LMLN: variants seen among roughly 807,000 people sequenced by gnomAD.
LMLN encodes the protein leishmanolysin-like peptidase.
LMLN carries 70 observed loss-of-function variants against 92.3 expected under a neutral mutation model. That is an observed-to-expected ratio of 0.76 (90% CI 0.63 to 0.92). LMLN has a LOEUF of 0.92. LMLN is among the 40% of genes least tolerant of loss of function. LMLN has a pLI of 0.00. For synonymous variants in LMLN, 308 were observed against 296.2 expected (o/e 1.04, Z -0.41); for missense variants, 691 against 814.6 (o/e 0.85, Z 1.85).
At chr3:198,001,038 C>G (rs1722158737) in intron 11 of LMLN, among the ~76,000 whole-genome samples, 1 of 152,166 alleles carries the variant, frequency 6.6e-6, no homozygotes, top group Non-Finnish European at 1.5e-5. Context: ...AATGCCCCCT[C>G]TACTCCCTCA....
chr3:198,031,750 C>A lies in LMLN; in HGVS notation c.1657-4083C>A, dbSNP rs753887575. On this transcript the variant is annotated intron_variant, in intron 14 of 15. Coordinates refer to ENST00000330198, the Ensembl canonical transcript of LMLN. The surrounding 1 kb of genome is among the most constrained non-coding windows in gnomAD (Gnocchi z 4.8). ...CTCATCTGCCACAAGCCCCAGTATT[C>A]CAAAATTTAATGGGTTGATTCTATT... Among the ~76,000 whole-genome samples, 1 of 152,068 alleles carries A rather than the reference C, an allele frequency of 6.6e-6. No homozygotes were observed. Among genetic ancestry groups the A allele is most frequent in the Non-Finnish European group, 1.5e-5 (1 of 68,016 alleles).
intron 1 of LMLN, among the ~76,000 whole-genome samples, chr3:197,964,744 A>G (rs1188501966): frequency 6.7e-6 from 1 of 148,250 alleles, no homozygotes; most frequent in Non-Finnish European, 1.5e-5. Flanking sequence ...GCAGTGGCTC[A>G]TGCCTGTAAT....
chr3:198,036,671 C>T (rs1197173551), intron 15 of LMLN, among the ~76,000 whole-genome samples: 1 of 152,106 alleles, frequency 6.6e-6, no homozygotes, highest in Non-Finnish European at 1.5e-5. Flanking sequence ...GAGGGGAATG[C>T]AGAAAACACC....
At chr3:198,034,559 C>G (rs1205483063) in intron 14 of LMLN, among the ~76,000 whole-genome samples, 1 of 151,942 alleles carries the variant, frequency 6.6e-6, no homozygotes, top group Non-Finnish European at 1.5e-5. Flanking sequence ...TGCAGTGAGC[C>G]AAGATCATGC....
At chr3:198,013,391 C>A (rs1722509721) in intron 11 of LMLN, among the ~76,000 whole-genome samples, 1 of 104,448 alleles carries the variant, frequency 9.6e-6, no homozygotes, top group Non-Finnish European at 1.8e-5. Context: ...TTCTCTCCAC[C>A]CTTTAGAGCC....
chr3:197,989,262 C>T (rs1162152964), intron 8 of LMLN, among the ~76,000 whole-genome samples: 3 of 152,280 alleles, frequency 2.0e-5, no homozygotes, highest in African/African-American at 7.2e-5. Flanking sequence ...TAAATGCTTT[C>T]TGCATTGCTA....
chr3:197,989,199 G>A (rs1468189815), intron 8 of LMLN, among the ~76,000 whole-genome samples: 1 of 152,140 alleles, frequency 6.6e-6, no homozygotes, highest in African/African-American at 2.4e-5. Flanking sequence ...AGAGGGCATG[G>A]AAACGCACCA....
intron 6 of LMLN, among the ~76,000 whole-genome samples, chr3:197,981,617 G>C (rs1202926551): frequency 3.3e-5 from 5 of 152,186 alleles, no homozygotes; most frequent in Admixed American, 6.5e-5. Context: ...CATTTTTCCT[G>C]TGAAGCAGCT....
intron 14 of LMLN, among the ~76,000 whole-genome samples, chr3:198,030,057 T>C (rs1723037695): frequency 6.6e-6 from 1 of 152,124 alleles, no homozygotes; most frequent in South Asian, 2.1e-4. Context: ...TTGGCCAGGC[T>C]GGTCTCAAAA....
chr3:198,008,301 C>T (rs1051897697), intron 11 of LMLN, among the ~76,000 whole-genome samples: 3 of 152,052 alleles, frequency 2.0e-5, no homozygotes, highest in Non-Finnish European at 2.9e-5. Flanking sequence ...TTTTGAAAAA[C>T]AGGTATATCC....
intron 9 of LMLN, among the ~76,000 whole-genome samples, chr3:197,990,902 G>A (rs192578316): frequency 1.9e-3 from 295 of 152,260 alleles, no homozygotes; most frequent in Non-Finnish European, 3.5e-3. Context: ...TTAGGCCAGT[G>A]CCTCCTCTGT....
Position 198,019,540 on chromosome 3 carries a change from T to C in LMLN, c.1365+155T>C, listed in dbSNP as rs1332824976. 6.6e-6 allele frequency among the ~76,000 whole-genome samples: 1 copy of C among 152,224 alleles called. No homozygotes were observed. The highest frequency in any genetic ancestry group is 1.5e-5 in the Non-Finnish European group (1 of 68,040). On this transcript the variant is annotated intron_variant, in intron 12 of 15. Coordinates refer to ENST00000330198, the Ensembl canonical transcript of LMLN. The surrounding 1 kb of genome is among the most constrained non-coding windows in gnomAD (Gnocchi z 5.5). ...AAATGGAATAATGCTTCCATTTCTT[T>C]AAAACTAATGTCCTAATTGATAGCA...
At chr3:197,966,871 A>T (rs1490864332) in intron 1 of LMLN, among the ~76,000 whole-genome samples, 1 of 152,116 alleles carries the variant, frequency 6.6e-6, no homozygotes, top group Non-Finnish European at 1.5e-5. Context: ...AGCTCACTAT[A>T]CAGCCTTAAA....
chr3:197,977,938 A>G (rs1259498440), intron 5 of LMLN, among the ~76,000 whole-genome samples: 3 of 152,160 alleles, frequency 2.0e-5, no homozygotes, highest in African/African-American at 7.2e-5. Context: ...CTGGAAGTAT[A>G]CACACGTTAA....
At chr3:197,964,995 G>T (rs541256308) in intron 1 of LMLN, among the ~76,000 whole-genome samples, 3 of 143,220 alleles carry the variant, frequency 2.1e-5, no homozygotes, top group Admixed American at 7.0e-5. Context: ...CGACAAGAGC[G>T]AAACTCTGTC....
chr3:198,042,273 A>ATCTC lies in LMLN; in HGVS notation c.*3607_*3610dup, dbSNP rs1723427565. On this transcript the variant is annotated 3_prime_UTR_variant, in exon 16 of 16. Coordinates refer to ENST00000330198, the Ensembl canonical transcript of LMLN. The surrounding 1 kb of genome is among the most constrained non-coding windows in gnomAD (Gnocchi z 4.2). ...GTGGGCGCGGTGACTGAAGCCTGTA[A>ATCTC]TCTCAGCACTTCGGGAGGCCAAGGC... is the stretch of plus-strand genomic sequence containing the variant. 1 of 152,048 alleles carries ATCTC rather than the reference A, an allele frequency of 6.6e-6. No homozygotes were observed. The highest frequency in any genetic ancestry group is 1.5e-5 in the Non-Finnish European group (1 of 68,034). 9.4% of individuals were successfully genotyped at this position (152,048 alleles called of 1,614,324 possible).
At chr3:197,998,053 C>A (rs1201629657) in intron 10 of LMLN, among the ~76,000 whole-genome samples, 1 of 152,166 alleles carries the variant, frequency 6.6e-6, no homozygotes, top group African/African-American at 2.4e-5. Context: ...GAATACACAG[C>A]GTGCCAGCGC....
chr3:197,999,191 A>G (rs76546967), intron 10 of LMLN, 75 bp from the exon 11 acceptor site: 48,074 of 992,624 alleles, frequency 0.048, 1,536 homozygotes, highest in East Asian at 0.1. Context: ...TTAAATATGT[A>G]TATCAGAGGA....
chr3:198,024,835 A>G, intron 14 of LMLN, 47 bp downstream of exon 15: 1 of 1,492,754 alleles, frequency 6.7e-7, no homozygotes, highest in Non-Finnish European at 9.1e-7. Context: ...ATGTGATTTT[A>G]TCTCTTTTAT....
Sources: gnomAD v4.1 joint callset for allele counts (sites outside exome capture counted in the v4.1 genomes callset) on GRCh38, gnomAD v4.1.1 for gene constraint, Gnocchi (gnomAD v3.1) non-coding constraint, MANE v1.5 for transcripts, NCBI Gene and HGNC (gene_info 2026-07-23, HGNC 2026-07-21) for gene names.